DNAH7: variants seen among roughly 807,000 people sequenced by gnomAD.
DNAH7 encodes the protein axonemal beta dynein heavy chain 7.
A neutral mutation model predicts 444.6 loss-of-function variants in DNAH7; 397 were observed. The ratio of observed to expected loss-of-function variants is 0.89; its 90% CI spans 0.82 to 0.97. The LOEUF (loss-of-function observed/expected upper bound fraction) is 0.97. DNAH7 is among the 50% of genes least tolerant of loss of function. The pLI is 0.00. For synonymous variants in DNAH7, 1,636 were observed against 1,624.4 expected (o/e 1.01, Z -0.17); for missense variants, 4,902 against 4,800.8 (o/e 1.02, Z -0.62).
intron 1 of DNAH7, among the ~76,000 whole-genome samples, chr2:196,067,670 T>A (rs1401726): frequency 2.6e-5 from 4 of 152,156 alleles, no homozygotes; most frequent in African/African-American, 9.6e-5. Flanking sequence ...CTGTTAGTAA[T>A]GTACAACTCA....
chr2:195,936,510 T>C (rs1689061237), intron 20 of DNAH7, 89 bp downstream of exon 20: 4 of 801,628 alleles, frequency 5.0e-6, no homozygotes, highest in Non-Finnish European at 7.4e-6. Context: ...TATATAAACA[T>C]GATTATATAT....
intron 63 of DNAH7, among the ~76,000 whole-genome samples, chr2:195,743,293 G>A (rs549652295): frequency 2.2e-4 from 34 of 152,258 alleles, no homozygotes; most frequent in African/African-American, 7.9e-4. Flanking sequence ...ACTTGCAGAC[G>A]GCTTATCGTG....
intron 27 of DNAH7, chr2:195,901,893 A>T (rs1477060764): frequency 6.6e-6 from 1 of 152,190 alleles, no homozygotes; most frequent in East Asian, 1.9e-4. Context: ...GATGTTTTTG[A>T]TGGTAAGTAA....
chr2:195,988,043 C>A lies in DNAH7; in HGVS notation c.1540G>T (p.Ala514Ser), dbSNP rs146788086. Residue 514 changes from alanine (A) to serine (S), a missense_variant, in exon 13 of 65, where the codon GCA becomes TCA. Coordinates refer to ENST00000312428, the MANE Select transcript of DNAH7 (RefSeq NM_018897.3). ...ATTTTTTCATAACTATGATTTTCTG[C>A]GAGGAAGTTATCAACATCTCGCTCA... ...KAERDVDNFL[A>S]ENHSYEKIID... is the part of the protein sequence containing the mutation. 2 of 1,613,140 alleles carry A rather than the reference C, an allele frequency of 1.2e-6. No individual in the cohort carries two copies. The highest frequency in any genetic ancestry group is 4.5e-5 in the East Asian group (2 of 44,810).
chr2:195,778,659 T>TACACACACACAC (rs1559089784), intron 58 of DNAH7, among the ~76,000 whole-genome samples: 2 of 95,614 alleles, frequency 2.1e-5, no homozygotes, highest in African/African-American at 9.1e-5. Flanking sequence ...TATATATATA[T>TACACACACACAC]ATATATATAT....
intron 21 of DNAH7, among the ~76,000 whole-genome samples, chr2:195,926,852 G>A (rs967191453): frequency 4.1e-4 from 62 of 151,848 alleles, no homozygotes; most frequent in African/African-American, 1.4e-3. Context: ...TTTAGCCAAA[G>A]ACATCCTAGA....
Position 196,001,744 on chromosome 2 carries a change from C to T in DNAH7, c.1104G>A (p.Met368Ile), listed in dbSNP as rs200377165. Residue 368 changes from methionine (M) to isoleucine (I), a missense_variant, in exon 11 of 65, where the codon ATG (methionine) becomes ATA (isoleucine). Transcript: ENST00000312428. ...AAGTGAGGTCCTGCAGCTGTAAAGT[C>T]ATAAGTGCAGCAGCACAGTTGAAAA... ...ESFFNCAAAL[M>I]TLQLQDLTLV... 85 of 1,609,412 alleles carry T rather than the reference C, an allele frequency of 5.3e-5. No homozygotes were observed. The highest frequency in any genetic ancestry group is 2.5e-6 in the Non-Finnish European group (3 of 1,177,842).
At chr2:195,860,039 CT>C (rs972149828) in intron 42 of DNAH7, among the ~76,000 whole-genome samples, 6 of 150,790 alleles carry the variant, frequency 4.0e-5, no homozygotes, top group East Asian at 3.9e-4. Flanking sequence ...AATTTAATAT[CT>C]TTTTTTTTCA....
intron 58 of DNAH7, among the ~76,000 whole-genome samples, chr2:195,778,475 CAA>C (rs34018148): frequency 2.3e-5 from 3 of 129,286 alleles, no homozygotes; most frequent in Non-Finnish European, 3.4e-5. Flanking sequence ...CTGTCCCTAC[CAA>C]AAAAAAAAAA....
chr2:195,801,567 T>C (rs1438817255), intron 54 of DNAH7, among the ~76,000 whole-genome samples: 1 of 152,136 alleles, frequency 6.6e-6, no homozygotes, highest in Admixed American at 6.6e-5. Flanking sequence ...AATGGAATTG[T>C]GTGTATATAC....
intron 39 of DNAH7, 33 bp downstream of exon 39, chr2:195,873,535 T>A: frequency 8.2e-7 from 1 of 1,216,330 alleles, no homozygotes; most frequent in Admixed American, 3.0e-5. Context: ...TTATACCTCC[T>A]AATTAAAAAA....
chr2:195,799,687 T>G (rs900720367), intron 54 of DNAH7, among the ~76,000 whole-genome samples: 1 of 152,004 alleles, frequency 6.6e-6, no homozygotes, highest in Admixed American at 6.6e-5. Flanking sequence ...TTAGTGGTAA[T>G]TGATACAAAC....
intron 5 of DNAH7, among the ~76,000 whole-genome samples, chr2:196,042,123 A>G (rs868761088): frequency 1.4e-4 from 22 of 152,200 alleles, no homozygotes; most frequent in Admixed American, 9.2e-4. Flanking sequence ...TGGGAATGTA[A>G]ATTAGTACAG....
At position 195,777,940 on chromosome 2, in the gene DNAH7, A is replaced by G; in HGVS notation, c.10924T>C (p.Tyr3642His). The G allele has an allele frequency of 2.5e-6, 4 of 1,614,064 alleles. No individual in the cohort carries two copies. Among genetic ancestry groups the G allele is most frequent in the Non-Finnish European group, 3.4e-6 (4 of 1,179,930 alleles). Residue 3642 changes from tyrosine to histidine, a missense_variant, in exon 59 of 65, where the codon TAC becomes CAC. Transcript: ENST00000312428. ...CAGTCATCGGTCACTCTGCCTCCGT[A>G]ATTGCATTCGCCAGTCATGTACCGC... ...ALRYMTGECNYGGRVTDDWDR... is the reference protein window; with the variant it reads ...ALRYMTGECNHGGRVTDDWDR...
intron 15 of DNAH7, among the ~76,000 whole-genome samples, chr2:195,980,091 A>G (rs72917255): frequency 0.09 from 12,632 of 140,800 alleles, 632 homozygotes; most frequent in African/African-American, 0.12. Flanking sequence ...AAAAAACTAG[A>G]GGAGGGGCGA....
intron 9 of DNAH7, among the ~76,000 whole-genome samples, chr2:196,014,925 C>T (rs1485734159): frequency 2.0e-5 from 3 of 152,146 alleles, no homozygotes; most frequent in Non-Finnish European, 2.9e-5. Context: ...TATTTTATAA[C>T]TACATAATAT....
chr2:195,913,645 A>C (rs187795583), intron 24 of DNAH7, among the ~76,000 whole-genome samples: 1 of 152,336 alleles, frequency 6.6e-6, no homozygotes, highest in Admixed American at 6.5e-5. Flanking sequence ...CATTTGGCTA[A>C]ATCTCCTTAT....
chr2:195,967,411 T>C (rs1179824787), intron 17 of DNAH7, among the ~76,000 whole-genome samples: 1 of 152,222 alleles, frequency 6.6e-6, no homozygotes, highest in Non-Finnish European at 1.5e-5. Context: ...TTAAACAGTA[T>C]TATAATAGTC....
chr2:195,966,498 C>G (rs1691488160), intron 17 of DNAH7, among the ~76,000 whole-genome samples: 1 of 152,096 alleles, frequency 6.6e-6, no homozygotes, highest in South Asian at 2.1e-4. Flanking sequence ...TCTGATGTTT[C>G]TTTGTTGGTT....
Sources: allele counts gnomAD v4.1 joint callset (sites outside exome capture counted in the v4.1 genomes callset), GRCh38; gene constraint gnomAD v4.1.1; transcripts MANE v1.5; gene names NCBI Gene and HGNC (gene_info 2026-07-23, HGNC 2026-07-21).